TTLL7: variants seen among roughly 807,000 people sequenced by gnomAD.
The protein encoded by TTLL7 is tubulin polyglutamylase TTLL7.
A neutral mutation model predicts 120.2 loss-of-function variants in TTLL7; 53 were observed. That is an observed-to-expected ratio of 0.44 (90% CI 0.35 to 0.55). TTLL7 has a LOEUF of 0.55. TTLL7 is among the 20% of genes least tolerant of loss of function. The pLI, the probability that TTLL7 is intolerant of heterozygous loss-of-function variation, is 0.00. For synonymous variants in TTLL7, 353 were observed against 351.7 expected, an observed-to-expected ratio of 1.00 and a Z score of -0.04; for missense variants, 803 against 1,054.7, an observed-to-expected ratio of 0.76 and a Z score of 3.31.
chr1:83,989,436 CT>C (rs1266664070), intron 1 of TTLL7, among the ~76,000 whole-genome samples: 1 of 151,960 alleles, frequency 6.6e-6, no homozygotes, highest in South Asian at 2.1e-4. Context: ...AACAGGAAGT[CT>C]TTTCCATATT....
At chr1:83,884,033 G>T (rs188019784) in intron 19 of TTLL7, among the ~76,000 whole-genome samples, 55 of 151,542 alleles carry the variant, frequency 3.6e-4, no homozygotes, top group African/African-American at 1.1e-3. Context: ...TTGTGTGGGG[G>T]GTGTGTGTGT....
chr1:83,940,394 C>G (rs1647843135), intron 7 of TTLL7, among the ~76,000 whole-genome samples: 1 of 152,114 alleles, frequency 6.6e-6, no homozygotes, highest in African/African-American at 2.4e-5. Context: ...TCAGAAATGT[C>G]TTCTGAACTT....
At chr1:83,963,865 T>C (rs1650223040) in intron 1 of TTLL7, among the ~76,000 whole-genome samples, 1 of 152,078 alleles carries the variant, frequency 6.6e-6, no homozygotes, top group East Asian at 1.9e-4. Flanking sequence ...CCCACTAAAT[T>C]AAATTAAATC....
At chr1:83,974,708 A>C (rs1165545159) in intron 1 of TTLL7, among the ~76,000 whole-genome samples, 2 of 152,034 alleles carry the variant, frequency 1.3e-5, no homozygotes, top group Non-Finnish European at 2.9e-5. Context: ...ACATAATATC[A>C]ATACATCCCT....
chr1:83,944,953 T>G (rs942246145), intron 6 of TTLL7, among the ~76,000 whole-genome samples: 9 of 152,290 alleles, frequency 5.9e-5, no homozygotes, highest in Non-Finnish European at 1.2e-4. Context: ...TATTATAAAT[T>G]AAGACGATAA....
intron 20 of TTLL7, among the ~76,000 whole-genome samples, chr1:83,872,519 T>C (rs908850903): frequency 1.2e-4 from 19 of 152,242 alleles, no homozygotes; most frequent in African/African-American, 4.6e-4. Context: ...TCCATAGTAG[T>C]TGAGAGTTAT....
At chr1:83,987,970 G>C (rs1471564753) in intron 1 of TTLL7, among the ~76,000 whole-genome samples, 1 of 152,126 alleles carries the variant, frequency 6.6e-6, no homozygotes, top group Non-Finnish European at 1.5e-5. Context: ...GGGTATAATT[G>C]ATTCCATCAC....
intron 10 of TTLL7, among the ~76,000 whole-genome samples, chr1:83,925,167 A>G (rs1557655850): frequency 6.6e-6 from 1 of 152,178 alleles, no homozygotes; most frequent in Non-Finnish European, 1.5e-5. Flanking sequence ...TATCAATCAA[A>G]TAGATACCTC....
intron 15 of TTLL7, among the ~76,000 whole-genome samples, chr1:83,908,297 A>T (rs1180335043): frequency 6.6e-6 from 1 of 151,206 alleles, no homozygotes; most frequent in Non-Finnish European, 1.5e-5. Flanking sequence ...CAGGCTAAAT[A>T]GGTTAAGTTA....
At chr1:83,960,785 A>G (rs953453113) in intron 1 of TTLL7, among the ~76,000 whole-genome samples, 2 of 152,270 alleles carry the variant, frequency 1.3e-5, no homozygotes, top group Admixed American at 1.3e-4. Context: ...CAAAATGCAC[A>G]GCTGCATGAC....
intron 19 of TTLL7, chr1:83,890,015 G>A: frequency 2.0e-6 from 1 of 491,916 alleles, no homozygotes; most frequent in Non-Finnish European, 4.0e-6. Context: ...TGGGGAGGAG[G>A]AGAAGTGTAG....
At chr1:83,974,718 TG>T (rs1384825541) in intron 1 of TTLL7, among the ~76,000 whole-genome samples, 4 of 152,064 alleles carry the variant, frequency 2.6e-5, no homozygotes, top group African/African-American at 7.2e-5. Flanking sequence ...AATACATCCC[TG>T]CTAAAATTAG....
intron 19 of TTLL7, among the ~76,000 whole-genome samples, chr1:83,889,294 T>C (rs1386745915): frequency 1.3e-5 from 2 of 152,062 alleles, no homozygotes; most frequent in Non-Finnish European, 2.9e-5. Flanking sequence ...ATCCCCATGA[T>C]TCAATTACCT....
At chr1:83,891,914 A>G (rs1241264531) in intron 18 of TTLL7, among the ~76,000 whole-genome samples, 3 of 151,690 alleles carry the variant, frequency 2.0e-5, no homozygotes, top group Non-Finnish European at 2.9e-5. Context: ...TGTAGCCTCA[A>G]CCTCTTAGGA....
Position 83,907,461 on chromosome 1 carries a change from G to T in TTLL7, c.1987C>A (p.Gln663Lys). ...GAGCAAAACAGATGACCTACCACTT[G>T]AGAGTTGGTAGAGCAGGCATCATTA... The part of the protein sequence containing the change: ...HSNDACSTNS[Q>K]VSESLRQLKT... Residue 663 changes from glutamine (Q) to lysine (K), a missense_variant, in exon 16 of 21, where the codon CAA (glutamine) becomes AAA (lysine). By Grantham distance (53) the Gln-to-Lys change is moderately conservative. This residue lies in a region of TTLL7 where 388 missense variants were observed against 450.4 expected (regional missense o/e 0.86). Coordinates refer to ENST00000260505, the MANE Select transcript of TTLL7 (RefSeq NM_024686.6). 1 of 1,611,942 alleles carries T rather than the reference G, an allele frequency of 6.2e-7. No individual in the cohort carries two copies. The highest frequency in any genetic ancestry group is 8.5e-7 in the Non-Finnish European group (1 of 1,178,580).
intron 13 of TTLL7, among the ~76,000 whole-genome samples, chr1:83,919,268 G>GTA (rs1419823290): frequency 6.9e-6 from 1 of 144,070 alleles, no homozygotes; most frequent in East Asian, 1.9e-4. Flanking sequence ...GAGTGTGTGT[G>GTA]TGTGTGTGTG....
chr1:83,914,804 T>A (rs11584077), intron 14 of TTLL7, among the ~76,000 whole-genome samples: 1 of 152,198 alleles, frequency 6.6e-6, no homozygotes, highest in Non-Finnish European at 1.5e-5. Context: ...GTTTTTTATT[T>A]ACCTGTCTGC....
At chr1:83,894,062 T>C (rs1335904137) in intron 18 of TTLL7, among the ~76,000 whole-genome samples, 2 of 152,164 alleles carry the variant, frequency 1.3e-5, no homozygotes, top group African/African-American at 2.4e-5. Flanking sequence ...TAACTCTTTA[T>C]ATTTTTTAGT....
intron 6 of TTLL7, among the ~76,000 whole-genome samples, chr1:83,946,846 G>GAA (rs151167987): frequency 2.6e-5 from 4 of 151,814 alleles, no homozygotes; most frequent in Admixed American, 6.6e-5. Flanking sequence ...TTATGTTTTA[G>GAA]AAAAAAACAG....
Sources: allele counts gnomAD v4.1 joint callset (sites outside exome capture counted in the v4.1 genomes callset), GRCh38; gene constraint gnomAD v4.1.1; regional missense constraint gnomAD v4.1.1; transcripts MANE v1.5; gene names NCBI Gene and HGNC (gene_info 2026-07-23, HGNC 2026-07-21).